Variants in FOXP1 observed in about 807,000 individuals in gnomAD.
FOXP1 encodes the protein forkhead box protein P1.
FOXP1 carries 15 observed loss-of-function variants against 98.2 expected under a neutral mutation model. The ratio of observed to expected loss-of-function variants is 0.15; its 90% CI spans 0.10 to 0.24. FOXP1 has a LOEUF of 0.24. Ranked by LOEUF, FOXP1 falls within the 10% of genes least tolerant of loss-of-function variation. FOXP1 has a pLI of 1.00. For missense variants in FOXP1, 633 were observed against 848.5 expected, an observed-to-expected ratio of 0.75 and a Z score of 3.15; for synonymous variants, 371 against 314.5, an observed-to-expected ratio of 1.18 and a Z score of -1.90.
chr3:71,417,161 G>A (rs796084801), intron 3 of FOXP1, among the ~76,000 whole-genome samples: 1 of 152,328 alleles, frequency 6.6e-6, no homozygotes, highest in African/African-American at 2.4e-5. Flanking sequence ...CGGCTGGAGA[G>A]AGGAGTGTGC....
chr3:71,155,559 A>G (rs2060780862), intron 6 of FOXP1, among the ~76,000 whole-genome samples: 1 of 152,222 alleles, frequency 6.6e-6, no homozygotes, highest in Non-Finnish European at 1.5e-5. Context: ...CATACTGGGT[A>G]GTACAGTGGT....
chr3:71,268,420 G>A (rs576621221), intron 5 of FOXP1, among the ~76,000 whole-genome samples: 1 of 152,172 alleles, frequency 6.6e-6, no homozygotes, highest in South Asian at 2.1e-4. Flanking sequence ...CCAGAAGACT[G>A]GGAAAGTTGG....
At chr3:71,272,201 C>A (rs1461369853) in intron 5 of FOXP1, among the ~76,000 whole-genome samples, 1 of 152,112 alleles carries the variant, frequency 6.6e-6, no homozygotes, top group Non-Finnish European at 1.5e-5. Context: ...TAATGGGGTT[C>A]TTTTGTGCAA....
chr3:71,475,757 G>A (rs779997268), intron 3 of FOXP1, among the ~76,000 whole-genome samples: 6 of 152,096 alleles, frequency 3.9e-5, no homozygotes, highest in Admixed American at 1.3e-4. Flanking sequence ...TAGGAGAATC[G>A]ATTGAACCCG....
intron 3 of FOXP1, among the ~76,000 whole-genome samples, chr3:71,454,933 T>C (rs1025975249): frequency 1.3e-5 from 2 of 152,150 alleles, no homozygotes; most frequent in Admixed American, 1.3e-4. Context: ...GTGCATCTCC[T>C]CTGTGCTGCT....
chr3:71,149,106 A>C (rs2060454643), intron 6 of FOXP1, among the ~76,000 whole-genome samples: 1 of 152,202 alleles, frequency 6.6e-6, no homozygotes, highest in Non-Finnish European at 1.5e-5. Context: ...CTGAAGACAA[A>C]GTAGAAGAGA....
At chr3:71,087,206 T>G (rs963272456) in intron 7 of FOXP1, among the ~76,000 whole-genome samples, 6 of 152,184 alleles carry the variant, frequency 3.9e-5, no homozygotes, top group African/African-American at 1.4e-4. Context: ...GCACAACTGA[T>G]GAGATCAAAA....
intron 3 of FOXP1, among the ~76,000 whole-genome samples, chr3:71,416,584 A>ACG (rs1560455250): frequency 9.9e-5 from 13 of 130,956 alleles, no homozygotes; most frequent in African/African-American, 3.4e-4. Context: ...ACACACACAC[A>ACG]CACACACACG....
chr3:70,966,200 A>T, intron 19 of FOXP1, 144 bp from the exon 20 acceptor site: 11 of 798,978 alleles, frequency 1.4e-5, no homozygotes, highest in Admixed American at 2.1e-5. Context: ...GTGTTGAAAG[A>T]TTTTGCTTTA....
At chr3:70,989,226 G>A (rs567597341) in intron 13 of FOXP1, among the ~76,000 whole-genome samples, 12 of 152,056 alleles carry the variant, frequency 7.9e-5, no homozygotes, top group South Asian at 2.1e-4. Flanking sequence ...AAGGGAAACC[G>A]TACAAAAGGG....
At chr3:71,275,501 G>A (rs1311911259) in intron 5 of FOXP1, among the ~76,000 whole-genome samples, 2 of 152,138 alleles carry the variant, frequency 1.3e-5, no homozygotes, top group Non-Finnish European at 2.9e-5. Context: ...CCCACCTCAT[G>A]CACCCTACAC....
chr3:71,008,494 C>T (rs1212930942), intron 12 of FOXP1, among the ~76,000 whole-genome samples: 2 of 151,896 alleles, frequency 1.3e-5, no homozygotes, highest in South Asian at 2.1e-4. Context: ...CAGGGCTGGA[C>T]GATTTCATTA....
At chr3:71,397,082 ATG>A (rs1236885188) in intron 3 of FOXP1, among the ~76,000 whole-genome samples, 2 of 62,000 alleles carry the variant, frequency 3.2e-5, no homozygotes, top group African/African-American at 1.4e-4. Context: ...ATACATATAT[ATG>A]TGTATATATA....
At chr3:71,267,521 AT>A (rs2069816363) in intron 5 of FOXP1, among the ~76,000 whole-genome samples, 1 of 152,222 alleles carries the variant, frequency 6.6e-6, no homozygotes, top group Non-Finnish European at 1.5e-5. Flanking sequence ...CACTTTGCTG[AT>A]GTTGAGGACC....
intron 4 of FOXP1, among the ~76,000 whole-genome samples, chr3:71,354,921 G>C (rs2078049624): frequency 6.6e-6 from 1 of 152,226 alleles, no homozygotes; most frequent in South Asian, 2.1e-4. Flanking sequence ...GCCACTGAAT[G>C]AGAGTGTTGG....
intron 3 of FOXP1, among the ~76,000 whole-genome samples, chr3:71,474,622 C>G (rs1320170584): frequency 6.6e-6 from 1 of 152,038 alleles, no homozygotes; most frequent in Non-Finnish European, 1.5e-5. Flanking sequence ...AGCGTAAACC[C>G]TATTGTGAAC....
At chr3:71,082,411 G>C (rs1017945136) in intron 7 of FOXP1, among the ~76,000 whole-genome samples, 2 of 151,426 alleles carry the variant, frequency 1.3e-5, no homozygotes, top group South Asian at 4.2e-4. Context: ...TCACTCGTAA[G>C]TGGGAGCTGA....
Position 70,972,647 on chromosome 3 carries a change from G to A in FOXP1, c.1560C>T (p.His520=), listed in dbSNP as rs2036509888. Residue 520 remains histidine, a synonymous_variant, in exon 18 of 21, where the codon CAC becomes CAT. Coordinates refer to ENST00000649528, the MANE Select transcript of FOXP1 (RefSeq NM_001349338.3). ...KNAVRHNLSL[H]KCFVRVENVK... is the part of the protein sequence containing the mutation. ...CGTTTTCTACTCGCACAAAACACTT[G>A]TGAAGACTAAGATTATGACGCACTG... 1.9e-6 allele frequency: 3 copies of A among 1,613,974 alleles called. No individual in the cohort carries two copies. The highest frequency in any genetic ancestry group is 2.5e-6 in the Non-Finnish European group (3 of 1,179,870).
At chr3:71,320,450 C>T (rs1329290325) in intron 4 of FOXP1, among the ~76,000 whole-genome samples, 1 of 151,884 alleles carries the variant, frequency 6.6e-6, no homozygotes, top group African/African-American at 2.4e-5. Context: ...AGCCTACCAC[C>T]GTATTGCTCT....
Sources: allele counts gnomAD v4.1 joint callset (sites outside exome capture counted in the v4.1 genomes callset), GRCh38; gene constraint gnomAD v4.1.1; transcripts MANE v1.5; gene names NCBI Gene and HGNC (gene_info 2026-07-23, HGNC 2026-07-21).